Variants in ITGB8 observed in about 807,000 individuals in gnomAD.
ITGB8 encodes the protein integrin beta-8.
In ITGB8, 30 loss-of-function variants were observed where a neutral mutation model predicts 89.5. The ratio of observed to expected loss-of-function variants is 0.34; its 90% CI spans 0.25 to 0.45. The LOEUF is 0.45. ITGB8 is among the 20% of genes least tolerant of loss of function. ITGB8 has a pLI of 1.00. For missense variants in ITGB8, 836 were observed against 933.3 expected, an observed-to-expected ratio of 0.90 and a Z score of 1.36; for synonymous variants, 335 against 320.4, an observed-to-expected ratio of 1.05 and a Z score of -0.49.
At chr7:20,362,068 AG>A (rs909037313) in intron 1 of ITGB8, among the ~76,000 whole-genome samples, 5 of 152,192 alleles carry the variant, frequency 3.3e-5, no homozygotes, top group Admixed American at 6.5e-5. Context: ...AATACAGGGA[AG>A]GGTGCTCCAT....
In ITGB8 at chr7:20,363,719, A is replaced by G. The variant is rs762071189; in HGVS notation, c.210A>G (p.Gln70=). 3.9e-6 allele frequency: 6 copies of G among 1,558,070 alleles called. No individual in the cohort carries two copies. The South Asian group carries it at 7.2e-5, about 19-fold the overall frequency. The stretch of plus-strand genomic sequence containing the variant: ...GTCCAGAATGTGGATGGTGTGTTCA[A>G]GAGGTGTGCCATTTTTTTTTTTCTT... ...ALGPECGWCV[Q]EDFISGGSRS... The change falls in exon 2 of 14, where the codon CAA becomes CAG. Residue 70 remains glutamine (Q), a synonymous_variant. Transcript: ENST00000222573.
chr7:20,404,815 A>T lies in ITGB8; in HGVS notation c.1875A>T (p.Glu625Asp). 1.2e-6 allele frequency: 2 copies of T among 1,614,186 alleles called. No individual in the cohort carries two copies. Among genetic ancestry groups the T allele is most frequent in the Non-Finnish European group, 1.7e-6 (2 of 1,180,038 alleles). Reference sequence around the variant, plus strand: ...CCAGGAGCATCGGCCGCTTCTGTGAACACTGCCCCACCTGTTATACAGCCT... The same window carrying T: ...CCAGGAGCATCGGCCGCTTCTGTGATCACTGCCCCACCTGTTATACAGCCT... ...TDPRSIGRFC[E>D]HCPTCYTACK... is the part of the protein sequence containing the mutation. The change falls in exon 11 of 14, where the codon GAA becomes GAT. Residue 625 changes from glutamate (E) to aspartate (D), a missense_variant. Physicochemically the swap from Glu to Asp is conservative, Grantham distance 45. Around this residue, in one of 5 missense-constraint regions of ITGB8, gnomAD observed 422 missense variants for 416.9 expected, o/e 1.01. Coordinates refer to ENST00000222573, the MANE Select transcript of ITGB8 (RefSeq NM_002214.3).
intron 3 of ITGB8, 91 bp from the exon 4 acceptor site, chr7:20,378,960 G>A (rs1786264050): frequency 2.3e-6 from 2 of 872,512 alleles, no homozygotes; most frequent in Admixed American, 5.9e-5. Context: ...TGATGATTGT[G>A]CTAGGTGCTA....
chr7:20,349,386 G>A (rs947643850), intron 1 of ITGB8, among the ~76,000 whole-genome samples: 1 of 151,422 alleles, frequency 6.6e-6, no homozygotes, highest in Non-Finnish European at 1.5e-5. Context: ...GGCCAAAACC[G>A]CAATTACTTT....
intron 7 of ITGB8, among the ~76,000 whole-genome samples, chr7:20,394,396 A>G (rs1313500543): frequency 1.3e-5 from 2 of 152,216 alleles, no homozygotes; most frequent in Non-Finnish European, 2.9e-5. Flanking sequence ...ACTTGTGACT[A>G]TGATTTTTCC....
chr7:20,362,074 C>T (rs1365678640), intron 1 of ITGB8, among the ~76,000 whole-genome samples: 1 of 152,142 alleles, frequency 6.6e-6, no homozygotes, highest in Non-Finnish European at 1.5e-5. Context: ...GGGAAGGGTG[C>T]TCCATACTAC....
intron 8 of ITGB8, among the ~76,000 whole-genome samples, chr7:20,396,283 A>T (rs1248940816): frequency 6.6e-6 from 1 of 152,112 alleles, no homozygotes; most frequent in African/African-American, 2.4e-5. Context: ...CTAAAAAAAA[A>T]TTAGCAGGGC....
intron 1 of ITGB8, among the ~76,000 whole-genome samples, chr7:20,335,003 C>T (rs545875626): frequency 1.3e-5 from 2 of 152,198 alleles, no homozygotes; most frequent in East Asian, 3.9e-4. Flanking sequence ...GTATAAGGGA[C>T]CACTATATAC....
intron 10 of ITGB8, among the ~76,000 whole-genome samples, chr7:20,402,848 A>G (rs1167402973): frequency 6.6e-6 from 1 of 152,234 alleles, no homozygotes. Context: ...CAGAAAATCT[A>G]ATCAACATTA....
intron 1 of ITGB8, among the ~76,000 whole-genome samples, chr7:20,332,494 A>T (rs988347904): frequency 1.3e-4 from 3 of 23,034 alleles, no homozygotes; most frequent in Non-Finnish European, 1.9e-4. Flanking sequence ...CTTTCGGCTT[A>T]AAAAAAAAAA....
At chr7:20,369,136 C>T (rs938856473) in intron 3 of ITGB8, among the ~76,000 whole-genome samples, 7 of 152,138 alleles carry the variant, frequency 4.6e-5, no homozygotes, top group African/African-American at 1.4e-4. Context: ...TGCCTCTTCA[C>T]TCTTCATTTT....
chr7:20,347,525 G>C (rs1307607714), intron 1 of ITGB8, among the ~76,000 whole-genome samples: 1 of 152,206 alleles, frequency 6.6e-6, no homozygotes, highest in Non-Finnish European at 1.5e-5. Context: ...AAAAGTCTTG[G>C]TGACTGACAG....
chr7:20,391,300 G>C (rs1456156758), intron 6 of ITGB8, 103 bp from the exon 7 acceptor site: 4 of 504,660 alleles, frequency 7.9e-6, no homozygotes, highest in Non-Finnish European at 1.4e-5. Context: ...GTCCTTCCCA[G>C]GTACATTTTT....
intron 1 of ITGB8, among the ~76,000 whole-genome samples, chr7:20,355,180 G>T (rs1785250520): frequency 6.6e-6 from 1 of 152,168 alleles, no homozygotes; most frequent in South Asian, 2.1e-4. Context: ...GTACCAGGCT[G>T]CCTGCAGCCA....
At position 20,369,215 on chromosome 7, in the gene ITGB8, T is replaced by C. The variant is rs533341787; in HGVS notation, c.388+2029T>C. 1.1e-4 allele frequency among the ~76,000 whole-genome samples: 16 copies of C among 152,252 alleles called. No homozygotes were observed. In the East Asian group the frequency reaches 1.3e-3, roughly 13 times the overall value. On this transcript the variant is annotated intron_variant, in intron 3 of 13. Transcript: ENST00000222573. ...CCTTAATATTTGCACATGAAGTAAA[T>C]AGGAATTATATAATAGAATAGAAAA...
chr7:20,393,341 G>C (rs779636326), intron 7 of ITGB8, among the ~76,000 whole-genome samples: 2 of 152,200 alleles, frequency 1.3e-5, no homozygotes, highest in Non-Finnish European at 2.9e-5. Context: ...TGGCTCCAAA[G>C]CCTGGGAAGC....
intron 1 of ITGB8, among the ~76,000 whole-genome samples, chr7:20,359,997 A>G (rs1427498999): frequency 6.6e-6 from 1 of 152,008 alleles, no homozygotes; most frequent in Non-Finnish European, 1.5e-5. Context: ...AGATCCATTT[A>G]TGGGATCTTT....
chr7:20,401,582 G>T, intron 9 of ITGB8, 139 bp from the exon 10 acceptor site: 1 of 539,704 alleles, frequency 1.9e-6, no homozygotes, highest in Non-Finnish European at 3.1e-6. Context: ...ATATGAAAGA[G>T]ATTACATGTG....
rs1787528400 is a variant in ITGB8 at position 20,406,058 on chromosome 7, G to T, written c.1914-4G>T. ...AATATTTTCACTTCTGTTTCCCCTT[G>T]CAGGAATTGTATGCAATGCCTTCAC... On this transcript the variant is annotated splice_region_variant and splice_polypyrimidine_tract_variant and intron_variant, in intron 11 of 13. Transcript: ENST00000222573. 2.6e-6 allele frequency: 4 copies of T among 1,546,992 alleles called. No homozygotes were observed. Among genetic ancestry groups the T allele is most frequent in the Non-Finnish European group, 3.6e-6 (4 of 1,119,402 alleles).
Sources: gnomAD v4.1 joint callset for allele counts (sites outside exome capture counted in the v4.1 genomes callset) on GRCh38, gnomAD v4.1.1 for gene constraint, gnomAD v4.1.1 regional missense constraint, MANE v1.5 for transcripts, NCBI Gene and HGNC (gene_info 2026-07-23, HGNC 2026-07-21) for gene names.